CSMD1: variants seen among roughly 807,000 people sequenced by gnomAD.
CSMD1 encodes the protein CUB and Sushi multiple domains 1.
In CSMD1, 213 loss-of-function variants were observed where a neutral mutation model predicts 417.5. The observed-to-expected ratio is 0.51, with a 90% confidence interval of 0.46 to 0.57. The LOEUF is 0.57. Ranked by LOEUF, CSMD1 falls within the 20% of genes least tolerant of loss-of-function variation. The pLI, the probability that CSMD1 is intolerant of heterozygous loss-of-function variation, is 0.00. For synonymous variants in CSMD1, 2,862 were observed against 1,736.8 expected (o/e 1.65, Z -16.11); for missense variants, 6,923 against 4,529.7 (o/e 1.53, Z -15.17).
At chr8:4,238,771 G>T (rs1385227248) in intron 3 of CSMD1, among the ~76,000 whole-genome samples, 10 of 152,118 alleles carry the variant, frequency 6.6e-5, no homozygotes, top group Admixed American at 2.6e-4. Context: ...TACATTCCCA[G>T]TTGGGTAAAG....
intron 3 of CSMD1, among the ~76,000 whole-genome samples, chr8:4,115,623 C>T (rs935011354): frequency 1.3e-5 from 2 of 152,084 alleles, no homozygotes; most frequent in Admixed American, 1.3e-4. Context: ...GATCAAACTC[C>T]ACACTTACCT....
At chr8:3,468,862 C>T in intron 11 of CSMD1, 38 bp from the exon 12 acceptor site, 1 of 1,356,218 alleles carries the variant, frequency 7.4e-7, no homozygotes, top group Non-Finnish European at 1.0e-6. Context: ...TTAGGTAAGG[C>T]AACAAGTACA....
Position 4,733,640 on chromosome 8 carries a change from G to A in CSMD1, c.86-96082C>T, listed in dbSNP as rs564615658. On this transcript the variant is annotated intron_variant, in intron 1 of 69. Coordinates refer to ENST00000635120, the MANE Select transcript of CSMD1 (RefSeq NM_033225.6). ...GCATTTTTATCCAATAGTCTACACT[G>A]CATTTTTAACACATCTGAACAGGTA... Among the ~76,000 whole-genome samples, 3 of 152,308 alleles carry A rather than the reference G, an allele frequency of 2.0e-5. No homozygotes were observed. In the South Asian group the frequency reaches 6.2e-4, roughly 32 times the overall value.
intron 1 of CSMD1, among the ~76,000 whole-genome samples, chr8:4,966,613 T>C (rs1809876819): frequency 6.6e-6 from 1 of 152,260 alleles, no homozygotes; most frequent in Non-Finnish European, 1.5e-5. Context: ...GGTACTGTCT[T>C]AGGTAGGTTC....
At chr8:4,511,382 A>T (rs141627052) in intron 2 of CSMD1, among the ~76,000 whole-genome samples, 1 of 152,156 alleles carries the variant, frequency 6.6e-6, no homozygotes, top group Admixed American at 6.5e-5. Flanking sequence ...GGAGAATACA[A>T]ATCAGGATTC....
intron 3 of CSMD1, among the ~76,000 whole-genome samples, chr8:4,125,842 C>A (rs1421314989): frequency 3.3e-5 from 5 of 152,312 alleles, no homozygotes; most frequent in South Asian, 2.1e-4. Flanking sequence ...GGTGTCCAGT[C>A]TGCTTTGCAG....
intron 6 of CSMD1, among the ~76,000 whole-genome samples, chr8:3,733,653 G>A (rs940631295): frequency 6.6e-6 from 1 of 152,070 alleles, no homozygotes; most frequent in Non-Finnish European, 1.5e-5. Context: ...GAAGGTCCCT[G>A]CTGTTTGCAC....
chr8:3,153,519 G>A (rs1438257032), intron 39 of CSMD1, among the ~76,000 whole-genome samples: 2 of 152,074 alleles, frequency 1.3e-5, no homozygotes, highest in African/African-American at 2.4e-5. Flanking sequence ...GGGAAGACAC[G>A]AATGAAAAAG....
At chr8:4,352,419 A>G (rs771119255) in intron 3 of CSMD1, among the ~76,000 whole-genome samples, 3 of 152,378 alleles carry the variant, frequency 2.0e-5, no homozygotes, top group South Asian at 4.1e-4. Flanking sequence ...ACCAGTATAA[A>G]TATTTCCTTT....
chr8:4,790,015 G>A (rs1228369236), intron 1 of CSMD1, among the ~76,000 whole-genome samples: 1 of 152,124 alleles, frequency 6.6e-6, no homozygotes, highest in Non-Finnish European at 1.5e-5. Context: ...AAGTTATAGT[G>A]ATGAAAAGGA....
At chr8:2,961,267 G>A in intron 61 of CSMD1, 53 bp from the exon 62 acceptor site, 1 of 1,117,744 alleles carries the variant, frequency 8.9e-7, no homozygotes, top group South Asian at 1.4e-5. Flanking sequence ...GTTATTGTGA[G>A]AATTTTAACA....
intron 29 of CSMD1, among the ~76,000 whole-genome samples, chr8:3,217,208 C>G (rs1401243541): frequency 5.9e-5 from 9 of 152,152 alleles, no homozygotes; most frequent in Admixed American, 5.9e-4. Flanking sequence ...GCAATGGCAT[C>G]ACTGCTCCAG....
chr8:4,986,060 C>G (rs1307403277), intron 1 of CSMD1, among the ~76,000 whole-genome samples: 1 of 152,182 alleles, frequency 6.6e-6, no homozygotes, highest in African/African-American at 2.4e-5. Context: ...CATCAAAGTA[C>G]ACTACTTTCC....
chr8:4,926,051 A>C (rs918792656), intron 1 of CSMD1, among the ~76,000 whole-genome samples: 1 of 152,212 alleles, frequency 6.6e-6, no homozygotes, highest in Admixed American at 6.5e-5. Flanking sequence ...TAAATAAACA[A>C]ACAAATACAC....
intron 3 of CSMD1, among the ~76,000 whole-genome samples, chr8:4,304,344 A>C: frequency 6.6e-6 from 1 of 152,300 alleles, no homozygotes; most frequent in East Asian, 1.9e-4. Flanking sequence ...CTGATGTCTT[A>C]GATACATTCC....
chr8:3,673,062 T>G (rs373120958), intron 7 of CSMD1, among the ~76,000 whole-genome samples: 1 of 152,212 alleles, frequency 6.6e-6, no homozygotes, highest in South Asian at 2.1e-4. Flanking sequence ...AGCGGTATGA[T>G]TGATATACTG....
In CSMD1 at chr8:4,301,140, G is replaced by C. The variant is rs190112936; in HGVS notation, c.415+118813C>G. On this transcript the variant is annotated intron_variant, in intron 3 of 69. Coordinates refer to ENST00000635120, the MANE Select transcript of CSMD1 (RefSeq NM_033225.6). ...TGCCCGTGTTTGAGGAGAGGAATGA[G>C]CAGGAGCATTGTTGTGATGGAAAAG... Among the ~76,000 whole-genome samples the C allele has an allele frequency of 1.3e-4, 20 of 152,288 alleles. 2 individuals carry two copies. The highest frequency in any genetic ancestry group is 1.2e-3 in the East Asian group (6 of 5,174).
intron 2 of CSMD1, among the ~76,000 whole-genome samples, chr8:4,616,658 A>C (rs1179167821): frequency 6.6e-6 from 1 of 152,210 alleles, no homozygotes; most frequent in Non-Finnish European, 1.5e-5. Context: ...AACGCTTGAG[A>C]AAGAGCCAAC....
intron 3 of CSMD1, among the ~76,000 whole-genome samples, chr8:4,184,737 A>T (rs562053059): frequency 6.6e-6 from 1 of 151,130 alleles, no homozygotes; most frequent in Admixed American, 6.6e-5. Context: ...AAAATAACTA[A>T]TGGGTACTGG....
Sources: allele counts gnomAD v4.1 joint callset (sites outside exome capture counted in the v4.1 genomes callset), GRCh38; gene constraint gnomAD v4.1.1; transcripts MANE v1.5; gene names NCBI Gene and HGNC (gene_info 2026-07-23, HGNC 2026-07-21).